Variants in CLVS1 observed in about 807,000 individuals in gnomAD.
The protein encoded by CLVS1 is clavesin-1.
Under a neutral mutation model 33.1 loss-of-function variants are expected in CLVS1, and 10 were observed. The observed-to-expected ratio is 0.30, with a 90% CI of 0.19 to 0.51. The LOEUF (loss-of-function observed/expected upper bound fraction) is 0.51, where lower values mean the gene tolerates loss of function less well. Ranked by LOEUF, CLVS1 falls within the 20% of genes least tolerant of loss-of-function variation. The probability of loss-of-function intolerance (pLI) is 0.97; values close to 1 mark genes in which losing one functional copy is unlikely to be tolerated. For missense variants in CLVS1, 343 were observed against 433.4 expected (o/e 0.79, Z 1.85); for synonymous variants, 163 against 166.1 (o/e 0.98, Z 0.14).
chr8:61,082,994 A>AG (rs919774955), intron 1 of CLVS1, among the ~76,000 whole-genome samples: 2 of 135,710 alleles, frequency 1.5e-5, no homozygotes, highest in African/African-American at 5.6e-5. Context: ...TAAACATAAA[A>AG]AAAAAGAAGA....
At chr8:61,177,560 C>T (rs560716999) in intron 2 of CLVS1, among the ~76,000 whole-genome samples, 2 of 152,082 alleles carry the variant, frequency 1.3e-5, no homozygotes, top group South Asian at 2.1e-4. Context: ...TGTCAGACAC[C>T]CTATACAGGA....
upstream of CLVS1, among the ~76,000 whole-genome samples, chr8:61,286,001 A>G (rs922178820): frequency 6.9e-6 from 1 of 144,132 alleles, no homozygotes; most frequent in African/African-American, 2.6e-5. Flanking sequence ...TGTCATTAAT[A>G]TTTCTATGAT....
At position 61,157,196 on chromosome 8, in the gene CLVS1, G is replaced by A. The variant is rs537259565; in HGVS notation, c.-152+25336G>A. On this transcript the variant is annotated intron_variant, in intron 2 of 2. Coordinates refer to the CLVS1 transcript ENST00000522621. ...TGGATTCTGACCCCTGCTAAGGGTAGGCTCTTTTTTTTGCATAAAACACAT... is the reference window on the plus strand; with the variant it reads ...TGGATTCTGACCCCTGCTAAGGGTAAGCTCTTTTTTTTGCATAAAACACAT... Among the ~76,000 whole-genome samples the A allele has an allele frequency of 5.3e-5, 8 of 152,264 alleles. No homozygotes were observed. The South Asian group carries it at 1.7e-3, about 32-fold the overall frequency.
the CLVS1 span, among the ~76,000 whole-genome samples, chr8:61,032,592 T>G: frequency 5.9e-5 from 9 of 152,226 alleles, no homozygotes; most frequent in South Asian, 1.2e-3. Context: ...TATCCAGGCC[T>G]CTAAGCTATA....
intron 2 of CLVS1, among the ~76,000 whole-genome samples, chr8:61,274,290 G>T (rs1029232370): frequency 2.6e-5 from 4 of 151,994 alleles, no homozygotes; most frequent in African/African-American, 9.7e-5. Flanking sequence ...GTTGCCATCT[G>T]CTTGGACTAG....
At chr8:61,423,186 AC>A (rs1232817468) in intron 3 of CLVS1, among the ~76,000 whole-genome samples, 1 of 151,720 alleles carries the variant, frequency 6.6e-6, no homozygotes, top group East Asian at 1.9e-4. Flanking sequence ...CCCCACCTCA[AC>A]CCCTGGGCTT....
chr8:61,305,363 A>G lies in CLVS1; in HGVS notation c.455+5081A>G, dbSNP rs1022195499. ...CCTTCCCCTCTCTGATTAACCACCA[A>G]TCTACTCTCTATCTTCATGAGATTC... On this transcript the variant is annotated intron_variant, in intron 2 of 5. Transcript: ENST00000325897. Among the ~76,000 whole-genome samples the G allele has an allele frequency of 4.0e-5, 6 of 151,710 alleles. No individual in the cohort carries two copies. In the East Asian group the frequency reaches 5.8e-4, roughly 15 times the overall value.
intron 1 of CLVS1, among the ~76,000 whole-genome samples, chr8:61,074,861 G>T (rs1804880595): frequency 6.6e-6 from 1 of 152,062 alleles, no homozygotes; most frequent in South Asian, 2.1e-4. Context: ...CATACCCTTG[G>T]AATTAACAGA....
chr8:61,459,119 T>C (rs1817267797), intron 5 of CLVS1, among the ~76,000 whole-genome samples: 2 of 151,382 alleles, frequency 1.3e-5, no homozygotes, highest in African/African-American at 4.9e-5. Context: ...CCAAGCAGAG[T>C]GGACAGACTG....
chr8:61,493,968 C>A (rs1439713434), intron 5 of CLVS1, among the ~76,000 whole-genome samples: 1 of 151,984 alleles, frequency 6.6e-6, no homozygotes, highest in Admixed American at 6.6e-5. Flanking sequence ...TTGTTGGGGT[C>A]CACATAGCTC....
At chr8:61,212,851 G>A (rs1808000984) in intron 2 of CLVS1, among the ~76,000 whole-genome samples, 3 of 152,176 alleles carry the variant, frequency 2.0e-5, no homozygotes, top group Admixed American at 2.0e-4. Flanking sequence ...AACAGCAGGT[G>A]TATGTAGTGG....
chr8:60,993,519 A>G, the CLVS1 span, among the ~76,000 whole-genome samples: 1 of 152,248 alleles, frequency 6.6e-6, no homozygotes, highest in Non-Finnish European at 1.5e-5. Flanking sequence ...GATGGGCATA[A>G]CAACCATCCT....
chr8:61,354,469 C>T (rs1268136143), intron 2 of CLVS1, among the ~76,000 whole-genome samples: 3 of 151,916 alleles, frequency 2.0e-5, no homozygotes, highest in Non-Finnish European at 4.4e-5. Flanking sequence ...CCAGAAATTA[C>T]ACTCTCGGGC....
At chr8:61,398,917 C>A (rs370657709) in intron 3 of CLVS1, among the ~76,000 whole-genome samples, 1 of 152,164 alleles carries the variant, frequency 6.6e-6, no homozygotes, top group Non-Finnish European at 1.5e-5. Context: ...TTCCATGGTG[C>A]ATATGTACTA....
At position 61,376,734 on chromosome 8, in the gene CLVS1, C is replaced by T; in HGVS notation, c.585C>T (p.Ser195=). ...GTAATTTTTCCTTCAAACAAGCCTCCAAACTGACACCTTCAATCCTTAAAC... is the reference window on the plus strand; with the variant it reads ...GTAATTTTTCCTTCAAACAAGCCTCTAAACTGACACCTTCAATCCTTAAAC... ...DWSNFSFKQA[S]KLTPSILKLA... Residue 195 remains serine (S), a synonymous_variant, in exon 3 of 6, where the codon TCC becomes TCT. Transcript: ENST00000325897. 1 of 1,614,080 alleles carries T rather than the reference C, an allele frequency of 6.2e-7. No individual in the cohort carries two copies. Among genetic ancestry groups the T allele is most frequent in the Non-Finnish European group, 8.5e-7 (1 of 1,179,972 alleles).
the CLVS1 span, among the ~76,000 whole-genome samples, chr8:61,041,719 T>C: frequency 0.023 from 3,519 of 152,328 alleles, 68 homozygotes; most frequent in Non-Finnish European, 0.036. Context: ...ATTGATTTTG[T>C]ATCCTGACAC....
chr8:61,208,214 A>C (rs1419047016), intron 2 of CLVS1, among the ~76,000 whole-genome samples: 1 of 152,242 alleles, frequency 6.6e-6, no homozygotes, highest in Non-Finnish European at 1.5e-5. Flanking sequence ...AAGGGAGGTT[A>C]TTTATTAGTT....
At chr8:61,012,843 G>T in the CLVS1 span, among the ~76,000 whole-genome samples, 1 of 152,134 alleles carries the variant, frequency 6.6e-6, no homozygotes, top group Non-Finnish European at 1.5e-5. Context: ...TTATTACTTT[G>T]CAAACAAAAC....
intron 3 of CLVS1, among the ~76,000 whole-genome samples, chr8:61,389,404 G>T (rs553205525): frequency 4.7e-4 from 72 of 152,204 alleles, no homozygotes; most frequent in African/African-American, 1.7e-3. Context: ...AGCCAGATGT[G>T]GTGGCACATG....
Sources: allele counts gnomAD v4.1 joint callset (sites outside exome capture counted in the v4.1 genomes callset), GRCh38; gene constraint gnomAD v4.1.1; transcripts MANE v1.5; gene names NCBI Gene and HGNC (gene_info 2026-07-23, HGNC 2026-07-21).